Variants in GLI2 observed in about 807,000 individuals in gnomAD.
GLI2 encodes the protein transcription activator GLI2.
Under a neutral mutation model 78.9 loss-of-function variants are expected in GLI2, and 22 were observed. The ratio of observed to expected loss-of-function variants is 0.28; its 90% confidence interval spans 0.20 to 0.40. GLI2 has a LOEUF of 0.40. GLI2 is among the 10% of genes least tolerant of loss of function. GLI2 has a pLI of 1.00. For missense variants in GLI2, 2,097 were observed against 2,213.2 expected (o/e 0.95, Z 1.05); for synonymous variants, 974 against 963.7 (o/e 1.01, Z -0.20).
intron 2 of GLI2, among the ~76,000 whole-genome samples, chr2:120,911,053 G>C (rs1678791112): frequency 6.6e-6 from 1 of 152,202 alleles, no homozygotes; most frequent in Admixed American, 6.5e-5. Flanking sequence ...TGCCCTGAGG[G>C]GGAGTGGGCA....
chr2:120,944,404 G>A (rs1269536049), intron 3 of GLI2, among the ~76,000 whole-genome samples: 1 of 152,212 alleles, frequency 6.6e-6, no homozygotes, highest in Non-Finnish European at 1.5e-5. Flanking sequence ...GCAGGCAAGG[G>A]ATCCTGAGGC....
intron 1 of GLI2, among the ~76,000 whole-genome samples, chr2:120,744,147 G>C (rs1415897827): frequency 6.6e-6 from 1 of 152,226 alleles, no homozygotes; most frequent in Non-Finnish European, 1.5e-5. Flanking sequence ...TTGGATCTCT[G>C]AAGATGATAA....
At chr2:120,949,766 G>A (rs1680888736) in intron 3 of GLI2, among the ~76,000 whole-genome samples, 1 of 152,228 alleles carries the variant, frequency 6.6e-6, no homozygotes. Flanking sequence ...CTCCAGGCCT[G>A]GCACAGCGGC....
chr2:120,923,679 G>A (rs955047442), intron 2 of GLI2, among the ~76,000 whole-genome samples: 1 of 151,798 alleles, frequency 6.6e-6, no homozygotes, highest in Non-Finnish European at 1.5e-5. Context: ...CGCATATAGC[G>A]ATACACATAC....
intron 1 of GLI2, among the ~76,000 whole-genome samples, chr2:120,769,080 C>T (rs952666236): frequency 6.6e-6 from 1 of 152,210 alleles, no homozygotes; most frequent in African/African-American, 2.4e-5. Flanking sequence ...AACGATCCAA[C>T]AGCAAGAGCA....
At chr2:120,777,073 G>C (rs1409332104) in intron 1 of GLI2, among the ~76,000 whole-genome samples, 1 of 152,232 alleles carries the variant, frequency 6.6e-6, no homozygotes, top group Admixed American at 6.5e-5. Flanking sequence ...TGAGTGCATG[G>C]CTTTTTGAGC....
intron 1 of GLI2, among the ~76,000 whole-genome samples, chr2:120,789,955 G>A (rs781338268): frequency 6.6e-6 from 1 of 152,208 alleles, no homozygotes; most frequent in Non-Finnish European, 1.5e-5. Context: ...TAGCCAGCTC[G>A]GGACACCTAT....
chr2:120,989,335 A>G lies in GLI2; in HGVS notation c.3370A>G (p.Asn1124Asp), dbSNP rs897239330. ...FGAPSSLNKN[N>D]MPVQWNEVSS... is the part of the protein sequence containing the mutation. ...GGCGCCCTCCAGCCTGAACAAAAAT[A>G]ACATGCCTGTGCAGTGGAATGAGGT... Residue 1124 changes from asparagine to aspartate, a missense_variant, in exon 14 of 14, where the codon AAC becomes GAC. Around this residue, in one of 5 missense-constraint regions of GLI2, gnomAD observed 1,290 missense variants for 1,261.7 expected, o/e 1.02. Coordinates refer to ENST00000361492, the MANE Select transcript of GLI2 (RefSeq NM_001374353.1). 1 of 1,613,042 alleles carries G rather than the reference A, an allele frequency of 6.2e-7. No individual in the cohort carries two copies. The highest frequency in any genetic ancestry group is 8.5e-7 in the Non-Finnish European group (1 of 1,179,994).
At chr2:120,959,603 C>A (rs1010424208) in intron 5 of GLI2, among the ~76,000 whole-genome samples, 1 of 152,226 alleles carries the variant, frequency 6.6e-6, no homozygotes, top group Non-Finnish European at 1.5e-5. Flanking sequence ...TCACGTATGT[C>A]TCTAAGAGAC....
At chr2:120,858,199 G>T (rs1687748312) in intron 2 of GLI2, among the ~76,000 whole-genome samples, 1 of 152,332 alleles carries the variant, frequency 6.6e-6, no homozygotes, top group South Asian at 2.1e-4. Flanking sequence ...TCCCGGAGTT[G>T]ATGCCAGCTG....
At chr2:120,760,696 T>C (rs1683188454) in intron 1 of GLI2, among the ~76,000 whole-genome samples, 1 of 152,214 alleles carries the variant, frequency 6.6e-6, no homozygotes, top group Non-Finnish European at 1.5e-5. Context: ...AAGTCAATCT[T>C]TTCCAGTGGC....
At chr2:120,909,056 G>T (rs1034165558) in intron 2 of GLI2, among the ~76,000 whole-genome samples, 1 of 152,192 alleles carries the variant, frequency 6.6e-6, no homozygotes. Context: ...CTCCAGCAGA[G>T]AGGCTGTGAG....
At position 120,989,527 on chromosome 2, in the gene GLI2, C is replaced by T. The variant is rs369264013; in HGVS notation, c.3562C>T (p.Leu1188=). ...PGGLDSTQPH[L]QPRSGAPSQG... ...GGGCCTGGACAGCACGCAGCCACAC[C>T]TGCAGCCCCGCAGCGGAGCCCCCTC... The change falls in exon 14 of 14, where the codon CTG becomes TTG. Residue 1188 remains leucine (L), a synonymous_variant. Transcript: ENST00000361492. The T allele has an allele frequency of 3.2e-5, 51 of 1,612,306 alleles. 1 individual carries two copies. The highest frequency in any genetic ancestry group is 1.0e-4 in the Admixed American group (6 of 59,932).
intron 2 of GLI2, among the ~76,000 whole-genome samples, chr2:120,889,753 A>G (rs1302782936): frequency 6.6e-6 from 1 of 152,258 alleles, no homozygotes; most frequent in Non-Finnish European, 1.5e-5. Context: ...AGCCATTAGG[A>G]AAATGCTAAT....
rs776523101 is a variant in GLI2, at chr2:120,990,551, C to T, written c.4586C>T (p.Thr1529Ile). 3.1e-6 allele frequency: 5 copies of T among 1,614,014 alleles called. No individual in the cohort carries two copies. The highest frequency in any genetic ancestry group is 1.7e-5 in the Admixed American group (1 of 60,018). The change falls in exon 14 of 14, where the codon ACC becomes ATC. Residue 1529 changes from threonine to isoleucine, a missense_variant. This residue lies in a region of GLI2 where 1,290 missense variants were observed against 1,261.7 expected (regional missense o/e 1.02). Transcript: ENST00000361492. The part of the protein sequence containing the change: ...SLSQNSSRLT[T>I]PRNSLTLPSI... ...TCCCAGAACTCCTCCCGCCTCACCA[C>T]CCCCCGAAACTCCTTGACCCTGCCC...
chr2:120,820,664 C>T (rs932311262), intron 2 of GLI2, among the ~76,000 whole-genome samples: 1 of 151,378 alleles, frequency 6.6e-6, no homozygotes, highest in African/African-American at 2.4e-5. Context: ...GTCTGTGTTT[C>T]TTCTCTTTGT....
chr2:120,985,104 TC>T (rs924246468), intron 12 of GLI2, among the ~76,000 whole-genome samples: 1 of 152,190 alleles, frequency 6.6e-6, no homozygotes. Flanking sequence ...TGTCTCTGCA[TC>T]CCCACCCCTC....
At chr2:120,847,762 G>C (rs963292450) in intron 2 of GLI2, among the ~76,000 whole-genome samples, 3 of 104,680 alleles carry the variant, frequency 2.9e-5, no homozygotes, top group Admixed American at 2.6e-4. Flanking sequence ...GGGCAGGGGC[G>C]GGGGGGCGGT....
At chr2:120,950,202 G>A (rs564980710) in intron 3 of GLI2, among the ~76,000 whole-genome samples, 1 of 152,348 alleles carries the variant, frequency 6.6e-6, no homozygotes. Flanking sequence ...GTTACAGTGT[G>A]ATGTGGCTGG....
Sources: allele counts gnomAD v4.1 joint callset (sites outside exome capture counted in the v4.1 genomes callset), GRCh38; gene constraint gnomAD v4.1.1; regional missense constraint gnomAD v4.1.1; transcripts MANE v1.5; gene names NCBI Gene and HGNC (gene_info 2026-07-23, HGNC 2026-07-21).